Variants in CADM2 observed in about 807,000 individuals in gnomAD.
CADM2 encodes the protein immunoglobulin superfamily member 4D.
In CADM2, 12 loss-of-function variants were observed where a neutral mutation model predicts 49.8. The ratio of observed to expected loss-of-function variants is 0.24; its 90% confidence interval spans 0.15 to 0.39. The LOEUF is 0.39. CADM2 is among the 10% of genes least tolerant of loss of function. CADM2 has a pLI of 1.00. For synonymous variants in CADM2, 214 were observed against 175.4 expected (o/e 1.22, Z -1.74); for missense variants, 378 against 492.3 (o/e 0.77, Z 2.20).
intron 2 of CADM2, among the ~76,000 whole-genome samples, chr3:85,790,484 A>C (rs2108028273): frequency 6.6e-6 from 1 of 152,264 alleles, no homozygotes; most frequent in African/African-American, 2.4e-5. Context: ...GAGAGGTAAA[A>C]TTTCTACAGG....
chr3:85,569,307 A>G (rs2062407709), intron 1 of CADM2, among the ~76,000 whole-genome samples: 1 of 151,816 alleles, frequency 6.6e-6, no homozygotes, highest in Non-Finnish European at 1.5e-5. Flanking sequence ...GCTGACTGCT[A>G]TTCCATGGTA....
At chr3:85,844,213 A>G (rs1336480256) in intron 3 of CADM2, among the ~76,000 whole-genome samples, 2 of 152,132 alleles carry the variant, frequency 1.3e-5, no homozygotes, top group Non-Finnish European at 2.9e-5. Context: ...ATATTATAGA[A>G]TAATAGATAA....
intron 1 of CADM2, among the ~76,000 whole-genome samples, chr3:85,199,261 A>C (rs113396667): frequency 6.6e-6 from 1 of 151,712 alleles, no homozygotes; most frequent in African/African-American, 2.4e-5. Context: ...ATTATTATTT[A>C]TGAATTTCTC....
intron 1 of CADM2, among the ~76,000 whole-genome samples, chr3:85,425,572 A>G (rs886877188): frequency 1.3e-5 from 2 of 152,176 alleles, no homozygotes; most frequent in Non-Finnish European, 2.9e-5. Context: ...TATTCTCGCT[A>G]TGGTGCTATT....
rs1003163290 is a variant in CADM2 at position 85,647,297 on chromosome 3, C to A, written c.62-79225C>A. ...ATGGGAAATGAAACCATTTTGTAATCCTCAAATATAGATAAACACGGAGCT... is the reference window on the plus strand; with the variant it reads ...ATGGGAAATGAAACCATTTTGTAATACTCAAATATAGATAAACACGGAGCT... On this transcript the variant is annotated intron_variant, in intron 1 of 9. Coordinates refer to ENST00000383699, the MANE Select transcript of CADM2 (RefSeq NM_001167675.2). Among the ~76,000 whole-genome samples, 3 of 151,528 alleles carry A rather than the reference C, an allele frequency of 2.0e-5. No homozygotes were observed. The East Asian group carries it at 5.8e-4, about 29-fold the overall frequency.
chr3:85,141,811 G>A (rs2039586352), intron 1 of CADM2, among the ~76,000 whole-genome samples: 1 of 152,146 alleles, frequency 6.6e-6, no homozygotes. Context: ...ACTACTTCTA[G>A]TCTTTTACCA....
chr3:85,018,289 C>T (rs1414418654), intron 1 of CADM2, among the ~76,000 whole-genome samples: 1 of 152,158 alleles, frequency 6.6e-6, no homozygotes, highest in Non-Finnish European at 1.5e-5. Flanking sequence ...TAAGTCCTAT[C>T]TTTATCCACG....
At chr3:85,499,308 G>A (rs575092306) in intron 1 of CADM2, among the ~76,000 whole-genome samples, 3 of 152,068 alleles carry the variant, frequency 2.0e-5, no homozygotes, top group Non-Finnish European at 4.4e-5. Context: ...TCGTTTTTCA[G>A]TCATCATGAC....
intron 1 of CADM2, among the ~76,000 whole-genome samples, chr3:85,165,208 C>T (rs1190654985): frequency 1.3e-5 from 2 of 151,662 alleles, no homozygotes; most frequent in African/African-American, 2.4e-5. Flanking sequence ...TTTACTTCTG[C>T]GTGTAAGAAA....
chr3:85,725,301 A>G (rs753076702), intron 1 of CADM2, among the ~76,000 whole-genome samples: 2 of 151,972 alleles, frequency 1.3e-5, no homozygotes, highest in Non-Finnish European at 2.9e-5. Context: ...TGGTATGTAC[A>G]CAGACTTTCT....
intron 2 of CADM2, among the ~76,000 whole-genome samples, chr3:85,794,630 G>A (rs2071516752): frequency 6.6e-6 from 1 of 152,004 alleles, no homozygotes; most frequent in African/African-American, 2.4e-5. Flanking sequence ...TGATAAGAAT[G>A]ACTCCTCTGA....
intron 8 of CADM2, among the ~76,000 whole-genome samples, chr3:86,061,245 A>T (rs1341586821): frequency 6.6e-6 from 1 of 152,080 alleles, no homozygotes; most frequent in Non-Finnish European, 1.5e-5. Context: ...ATAATCTGTT[A>T]TATTTTGATT....
intron 1 of CADM2, among the ~76,000 whole-genome samples, chr3:85,717,476 C>G (rs769720056): frequency 6.6e-6 from 1 of 152,078 alleles, no homozygotes; most frequent in Non-Finnish European, 1.5e-5. Flanking sequence ...ATTTGAATAT[C>G]CTTTATTTCT....
intron 1 of CADM2, among the ~76,000 whole-genome samples, chr3:85,264,623 T>C (rs1283479906): frequency 6.6e-6 from 1 of 152,018 alleles, no homozygotes; most frequent in African/African-American, 2.4e-5. Context: ...ACACTTAATT[T>C]TGAAACAATT....
At chr3:85,645,363 G>C (rs2064852629) in intron 1 of CADM2, among the ~76,000 whole-genome samples, 1 of 151,898 alleles carries the variant, frequency 6.6e-6, no homozygotes, top group South Asian at 2.1e-4. Context: ...TAAAATTATA[G>C]AGACATCTAG....
At chr3:85,032,196 T>C (rs1251322443) in intron 1 of CADM2, among the ~76,000 whole-genome samples, 1 of 147,938 alleles carries the variant, frequency 6.8e-6, no homozygotes, top group Non-Finnish European at 1.5e-5. Flanking sequence ...TCTAGAAGGT[T>C]TGGTAGTCCC....
intron 1 of CADM2, among the ~76,000 whole-genome samples, chr3:85,483,212 G>A (rs2039282387): frequency 6.6e-6 from 1 of 151,350 alleles, no homozygotes; most frequent in South Asian, 2.1e-4. Context: ...TTTAGAATTT[G>A]TACATCATCA....
At chr3:85,551,235 G>A (rs956614469) in intron 1 of CADM2, among the ~76,000 whole-genome samples, 1 of 152,110 alleles carries the variant, frequency 6.6e-6, no homozygotes, top group Non-Finnish European at 1.5e-5. Flanking sequence ...TCCAACCTCA[G>A]CCTCCCAAAG....
At chr3:85,572,069 G>C (rs1016719448) in intron 1 of CADM2, among the ~76,000 whole-genome samples, 1 of 152,074 alleles carries the variant, frequency 6.6e-6, no homozygotes, top group Non-Finnish European at 1.5e-5. Context: ...GGCCGAGGCC[G>C]GTGGATCACA....
Sources: allele counts gnomAD v4.1 joint callset (sites outside exome capture counted in the v4.1 genomes callset), GRCh38; gene constraint gnomAD v4.1.1; transcripts MANE v1.5; gene names NCBI Gene and HGNC (gene_info 2026-07-23, HGNC 2026-07-21).